Variants in MTRR observed in about 807,000 individuals in gnomAD.
The protein encoded by MTRR is methionine synthase reductase.
MTRR carries 63 observed loss-of-function variants against 79.2 expected under a neutral mutation model. That is an observed-to-expected ratio of 0.80 (90% confidence interval 0.65 to 0.98). MTRR has a LOEUF of 0.98. Ranked by LOEUF, MTRR falls within the 50% of genes least tolerant of loss-of-function variation. MTRR has a pLI of 0.00. For synonymous variants in MTRR, 355 were observed against 313.3 expected, an observed-to-expected ratio of 1.13 and a Z score of -1.41; for missense variants, 895 against 839.6, an observed-to-expected ratio of 1.07 and a Z score of -0.82.
intron 1 of MTRR, among the ~76,000 whole-genome samples, chr5:7,855,036 A>C (rs1191619644): frequency 3.9e-5 from 6 of 152,236 alleles, no homozygotes; most frequent in African/African-American, 1.2e-4. Context: ...GTTAGACAAC[A>C]CCAAATCAAC....
chr5:7,868,843 G>A, upstream of MTRR: 1 of 531,924 alleles, frequency 1.9e-6, no homozygotes, highest in South Asian at 2.0e-5. Flanking sequence ...GACCCGCGGG[G>A]CGAGCACCCC....
chr5:7,879,505 A>G (rs1735210618), intron 5 of MTRR, among the ~76,000 whole-genome samples: 1 of 151,758 alleles, frequency 6.6e-6, no homozygotes, highest in South Asian at 2.1e-4. Flanking sequence ...TTTTTTCTTA[A>G]TAGAAAGTGT....
At chr5:7,870,408 A>G (rs976973863) in intron 1 of MTRR, 7 of 309,286 alleles carry the variant, frequency 2.3e-5, no homozygotes, top group Non-Finnish European at 3.7e-5. Flanking sequence ...CTTGTGCCAC[A>G]TCGTTTTTCA....
upstream of MTRR, chr5:7,867,117 C>T (rs763871830): frequency 1.2e-5 from 19 of 1,613,984 alleles, no homozygotes; most frequent in East Asian, 2.2e-5. Context: ...ACATGCCTCA[C>T]GACATATTTG....
chr5:7,890,328 C>T (rs1737335620), intron 9 of MTRR: 1 of 985,230 alleles, frequency 1.0e-6, no homozygotes, highest in Non-Finnish European at 1.2e-6. Flanking sequence ...GCTCTTCTCA[C>T]CATCCTGTCC....
intron 1 of MTRR, among the ~76,000 whole-genome samples, chr5:7,857,984 A>G (rs948121047): frequency 1.3e-5 from 2 of 152,246 alleles, no homozygotes; most frequent in African/African-American, 4.8e-5. Flanking sequence ...CATAGCATTT[A>G]TAACAGACCG....
chr5:7,869,091 C>T, upstream of MTRR: 4 of 1,606,918 alleles, frequency 2.5e-6, no homozygotes, highest in Non-Finnish European at 3.4e-6. Context: ...TGTGATTGGC[C>T]CAGGTCCCCT....
intron 1 of MTRR, among the ~76,000 whole-genome samples, chr5:7,853,834 G>A (rs1746145728): frequency 6.6e-6 from 1 of 152,134 alleles, no homozygotes. Context: ...CTTGGTGTCC[G>A]AGGAGCCCTA....
Position 7,886,656 on chromosome 5 carries a change from C to G in MTRR, c.1099C>G (p.Gln367Glu). The change falls in exon 8 of 15, where the codon CAG (glutamine) becomes GAG (glutamate). Residue 367 changes from glutamine to glutamate, a missense_variant. Physicochemically the swap from Gln to Glu is conservative, Grantham distance 29. Coordinates refer to ENST00000440940, the MANE Select transcript of MTRR (RefSeq NM_002454.3). The stretch of plus-strand genomic sequence containing the variant: ...GCATATACCTGCGGGATGTTCTCTC[C>G]AGTTCATTTTTACCTGGTGTCTTGA... ...PQHIPAGCSL[Q>E]FIFTWCLEIR... 6.2e-7 allele frequency: 1 copy of G among 1,614,010 alleles called. No homozygotes were observed. Among genetic ancestry groups the G allele is most frequent in the East Asian group, 2.2e-5 (1 of 44,854 alleles).
upstream of MTRR, among the ~76,000 whole-genome samples, chr5:7,868,403 A>G (rs1301272142): frequency 6.6e-6 from 1 of 152,224 alleles, no homozygotes; most frequent in African/African-American, 2.4e-5. Context: ...GTTGAAGCAC[A>G]AAGTTACTTT....
At chr5:7,857,795 A>G (rs184980090) in intron 1 of MTRR, among the ~76,000 whole-genome samples, 128 of 152,312 alleles carry the variant, frequency 8.4e-4, no homozygotes, top group Non-Finnish European at 1.4e-3. Flanking sequence ...TGTCTGCTGA[A>G]TGCGTACGTG....
Position 7,892,790 on chromosome 5 carries a change from T to A in MTRR, c.1434T>A (p.Thr478=). The A allele has an allele frequency of 1.9e-6, 3 of 1,614,236 alleles. No individual in the cohort carries two copies. In the South Asian group the frequency reaches 3.3e-5, roughly 18 times the overall value. ...FVFNIVEFLS[T]ATTEVLRKGV... is the part of the protein sequence containing the mutation. ...TCAACATTGTGGAATTTCTGTCTAC[T>A]GCCACAACAGAGGTTCTGCGGAAGG... The change falls in exon 11 of 15, where the codon ACT becomes ACA. Residue 478 remains threonine, a synonymous_variant. Coordinates refer to ENST00000440940, the MANE Select transcript of MTRR (RefSeq NM_002454.3).
At chr5:7,881,087 C>A (rs559859013) in intron 5 of MTRR, among the ~76,000 whole-genome samples, 1 of 152,106 alleles carries the variant, frequency 6.6e-6, no homozygotes, top group South Asian at 2.1e-4. Context: ...ATTGGAGCAG[C>A]GGCCTACAGC....
At chr5:7,856,197 G>A (rs150667155) in intron 1 of MTRR, among the ~76,000 whole-genome samples, 1 of 152,296 alleles carries the variant, frequency 6.6e-6, no homozygotes, top group Non-Finnish European at 1.5e-5. Context: ...CTAGAGCTCT[G>A]CAATTGAGGG....
At chr5:7,868,218 A>G, upstream of MTRR, 1 of 629,970 alleles carries the variant, frequency 1.6e-6, no homozygotes, top group Non-Finnish European at 2.6e-6. Context: ...AAAAAAAAAA[A>G]AAAAAGGATG....
intron 14 of MTRR, among the ~76,000 whole-genome samples, chr5:7,899,607 G>A (rs879888812): frequency 2.0e-5 from 3 of 152,162 alleles, no homozygotes; most frequent in Non-Finnish European, 2.9e-5. Flanking sequence ...CAGGTGGGTC[G>A]GAGCCAGGCA....
chr5:7,868,039 A>G, upstream of MTRR: 1 of 1,613,170 alleles, frequency 6.2e-7, no homozygotes. Flanking sequence ...GCATCTGAAA[A>G]TCAGATAAAC....
At chr5:7,896,446 A>T (rs1738528203) in intron 12 of MTRR, 1 of 216,096 alleles carries the variant, frequency 4.6e-6, no homozygotes, top group South Asian at 8.0e-5. Flanking sequence ...GCAAAAGCAT[A>T]ATCACAGATG....
chr5:7,880,404 C>T (rs79775925), intron 5 of MTRR, among the ~76,000 whole-genome samples: 6,693 of 152,232 alleles, frequency 0.044, 271 homozygotes, highest in East Asian at 0.18. Context: ...AATCATTGTC[C>T]GTGTACCTGA....
Sources: gnomAD v4.1 joint callset for allele counts (sites outside exome capture counted in the v4.1 genomes callset) on GRCh38, gnomAD v4.1.1 for gene constraint, MANE v1.5 for transcripts, NCBI Gene and HGNC (gene_info 2026-07-23, HGNC 2026-07-21) for gene names.